XKR6: variants seen among roughly 807,000 people sequenced by gnomAD.
XKR6 encodes XK related 6.
In XKR6, 22 loss-of-function variants were observed where a neutral mutation model predicts 56.7. The ratio of observed to expected loss-of-function variants is 0.39; its 90% CI spans 0.28 to 0.55. The LOEUF (loss-of-function observed/expected upper bound fraction) is 0.55. Among genes scored for constraint, XKR6 ranks in the 20% least tolerant of loss-of-function variants. The probability of loss-of-function intolerance (pLI) is 0.66; values close to 1 mark genes in which losing one functional copy is unlikely to be tolerated. For synonymous variants in XKR6, 524 were observed against 387.8 expected, an observed-to-expected ratio of 1.35 and a Z score of -4.13; for missense variants, 852 against 889.0, an observed-to-expected ratio of 0.96 and a Z score of 0.53.
chr8:11,022,713 G>A (rs998880974), intron 1 of XKR6, among the ~76,000 whole-genome samples: 1 of 152,154 alleles, frequency 6.6e-6, no homozygotes, highest in Non-Finnish European at 1.5e-5. Context: ...TCTTGCGCAA[G>A]GCCCTGCAAT....
In XKR6 at chr8:11,199,168, G is replaced by C. The variant is rs1285504907; in HGVS notation, c.764+1408C>G. Among the ~76,000 whole-genome samples the C allele has an allele frequency of 3.9e-5, 6 of 152,152 alleles. No homozygotes were observed. The East Asian group carries it at 7.7e-4, about 20-fold the overall frequency. ...AATGCAGCTAGAAAAAAAGCTGTTT[G>C]GTTCAGCCTAGAAAGGCTAGTAAAC... On this transcript the variant is annotated intron_variant, in intron 1 of 2. Transcript: ENST00000416569.
intron 1 of XKR6, among the ~76,000 whole-genome samples, chr8:10,932,014 T>C (rs1272669539): frequency 6.6e-6 from 1 of 152,092 alleles, no homozygotes; most frequent in African/African-American, 2.4e-5. Flanking sequence ...ACAATCCAAT[T>C]TTTTAAATGG....
At chr8:11,179,120 G>C (rs964302646) in intron 1 of XKR6, among the ~76,000 whole-genome samples, 6 of 147,012 alleles carry the variant, frequency 4.1e-5, no homozygotes, top group African/African-American at 1.5e-4. Context: ...GCCTCCCAAA[G>C]TGCTGGTATT....
At chr8:11,173,352 T>C (rs186468135) in intron 1 of XKR6, among the ~76,000 whole-genome samples, 1 of 141,968 alleles carries the variant, frequency 7.0e-6, no homozygotes, top group Non-Finnish European at 1.5e-5. Flanking sequence ...TTAAAAAAAA[T>C]ATATATATAT....
chr8:11,025,559 C>A (rs1264135246), intron 1 of XKR6, among the ~76,000 whole-genome samples: 2 of 152,108 alleles, frequency 1.3e-5, no homozygotes, highest in Admixed American at 1.3e-4. Flanking sequence ...ACAACTAATG[C>A]CAGGCTTGGT....
intron 1 of XKR6, chr8:11,105,814 G>C (rs1177609429): frequency 6.6e-6 from 1 of 152,166 alleles, no homozygotes; most frequent in Non-Finnish European, 1.5e-5. Flanking sequence ...TCTCACTGGG[G>C]AAATACATGG....
At chr8:11,049,486 G>A (rs1213543787) in intron 1 of XKR6, among the ~76,000 whole-genome samples, 1 of 152,188 alleles carries the variant, frequency 6.6e-6, no homozygotes, top group Admixed American at 6.5e-5. Context: ...GCCTCCTCCA[G>A]GGGTGGCTGT....
intron 1 of XKR6, among the ~76,000 whole-genome samples, chr8:11,199,655 C>A (rs912960526): frequency 6.6e-6 from 1 of 152,176 alleles, no homozygotes; most frequent in Non-Finnish European, 1.5e-5. Flanking sequence ...GGGTTCATTT[C>A]CTCAGTTTAG....
chr8:11,179,680 G>A (rs1368686078), intron 1 of XKR6, among the ~76,000 whole-genome samples: 2 of 152,146 alleles, frequency 1.3e-5, no homozygotes, highest in Non-Finnish European at 2.9e-5. Context: ...TGGCCCAATT[G>A]CTCGGTGTCA....
At chr8:10,920,718 A>G (rs1800685475) in intron 2 of XKR6, among the ~76,000 whole-genome samples, 1 of 152,246 alleles carries the variant, frequency 6.6e-6, no homozygotes, top group African/African-American at 2.4e-5. Flanking sequence ...CAAGCCCCTT[A>G]CAGGCAGCCC....
At chr8:11,060,896 A>G (rs1799816541) in intron 1 of XKR6, among the ~76,000 whole-genome samples, 2 of 152,166 alleles carry the variant, frequency 1.3e-5, no homozygotes, top group East Asian at 1.9e-4. Flanking sequence ...CCTGATACAA[A>G]CCCTGATGAA....
chr8:11,137,884 T>C, intron 1 of XKR6: 3 of 360,362 alleles, frequency 8.3e-6, no homozygotes, highest in South Asian at 4.3e-5. Context: ...TTAAATAAAC[T>C]AAAGAATAAG....
At chr8:11,132,769 A>ACG (rs1461433600) in intron 1 of XKR6, among the ~76,000 whole-genome samples, 5 of 140,334 alleles carry the variant, frequency 3.6e-5, no homozygotes, top group East Asian at 2.0e-4. Flanking sequence ...ACACGCACGC[A>ACG]CACACACACA....
chr8:11,027,784 G>A (rs115907773), intron 1 of XKR6, among the ~76,000 whole-genome samples: 26 of 152,252 alleles, frequency 1.7e-4, no homozygotes, highest in African/African-American at 5.8e-4. Context: ...AAGTGAGGAC[G>A]GTCATCATTG....
At chr8:11,089,462 C>G (rs1489039555) in intron 1 of XKR6, among the ~76,000 whole-genome samples, 1 of 152,050 alleles carries the variant, frequency 6.6e-6, no homozygotes, top group African/African-American at 2.4e-5. Flanking sequence ...AAGACCCCAC[C>G]TCTACAAAAA....
intron 1 of XKR6, among the ~76,000 whole-genome samples, chr8:11,002,645 A>G (rs755564415): frequency 1.3e-5 from 2 of 152,252 alleles, no homozygotes; most frequent in Non-Finnish European, 2.9e-5. Context: ...AGACGTGACA[A>G]GTCATCATTC....
chr8:11,108,179 A>C (rs772162957), intron 1 of XKR6: 38 of 425,482 alleles, frequency 8.9e-5, no homozygotes, highest in South Asian at 6.6e-4. Flanking sequence ...TGTTCTGTTA[A>C]ATGTCCACTA....
intron 1 of XKR6, among the ~76,000 whole-genome samples, chr8:11,066,505 C>T (rs1215443123): frequency 6.6e-6 from 1 of 152,200 alleles, no homozygotes. Flanking sequence ...GGCTTAACCA[C>T]TCTGAGCCTT....
chr8:11,156,149 G>T (rs1801508441), intron 1 of XKR6, among the ~76,000 whole-genome samples: 1 of 152,080 alleles, frequency 6.6e-6, no homozygotes, highest in African/African-American at 2.4e-5. Context: ...TTTACATCCA[G>T]TCCCTTCCCT....
Sources: gnomAD v4.1 joint callset for allele counts (sites outside exome capture counted in the v4.1 genomes callset) on GRCh38, gnomAD v4.1.1 for gene constraint, MANE v1.5 for transcripts, NCBI Gene and HGNC (gene_info 2026-07-23, HGNC 2026-07-21) for gene names.